SLC13A5: variants seen among roughly 807,000 people sequenced by gnomAD.
SLC13A5 encodes the protein Na(+)/citrate cotransporter.
A neutral mutation model predicts 56.5 loss-of-function variants in SLC13A5; 25 were observed. That is an observed-to-expected ratio of 0.44 (90% CI 0.32 to 0.62). The LOEUF is 0.62. Ranked by LOEUF, SLC13A5 falls within the 20% of genes least tolerant of loss-of-function variation. SLC13A5 has a pLI of 0.04. For missense variants in SLC13A5, 649 were observed against 737.8 expected (o/e 0.88, Z 1.39); for synonymous variants, 307 against 301.5 (o/e 1.02, Z -0.19).
At position 6,687,460 on chromosome 17, in the gene SLC13A5, A is replaced by G; in HGVS notation, c.1575+69T>C. 6.3e-7 allele frequency: 1 copy of G among 1,594,172 alleles called. No individual in the cohort carries two copies. The highest frequency in any genetic ancestry group is 8.5e-7 in the Non-Finnish European group (1 of 1,171,076). On this transcript the variant is annotated intron_variant, in intron 11 of 11. Transcript: ENST00000433363. This position sits in a 1 kb window ranked among gnomAD's most constrained non-coding sequence, Gnocchi z 5.0. ...ACATCGTTTTGAAACTCTGTCATTC[A>G]TAAATGGGGCATCCCTTATGACAAC...
At chr17:6,694,017 G>A (rs949492610) in intron 8 of SLC13A5, 80 bp downstream of exon 8, 2 of 867,910 alleles carry the variant, frequency 2.3e-6, no homozygotes, top group Non-Finnish European at 3.5e-6. Context: ...TCTCCCTCTA[G>A]GGCCCAAGGC....
At chr17:6,686,473 C>T (rs1973255821) in intron 11 of SLC13A5, 135 bp from the exon 12 acceptor site, 5 of 1,121,406 alleles carry the variant, frequency 4.5e-6, no homozygotes, top group South Asian at 1.5e-5. Flanking sequence ...GTCCCGACCC[C>T]CAGGACAGTG....
rs949307261 is a variant in SLC13A5 at position 6,703,261 on chromosome 17, A to G, written c.548-123T>C. The G allele has an allele frequency of 1.2e-5, 14 of 1,200,072 alleles. 1 individual carries two copies. In the South Asian group the frequency reaches 2.0e-4, roughly 17 times the overall value. The allele number at this position is 1,200,072 out of a possible 1,614,324, so 74.3% of individuals were successfully genotyped here. On this transcript the variant is annotated intron_variant, in intron 4 of 11. Coordinates refer to ENST00000433363, the MANE Select transcript of SLC13A5 (RefSeq NM_177550.5). ...CCAGCTCTGCTGATTTAGCTGCCCC[A>G]CTGGGCTCCATAAGAGTTGCTGGCA...
rs761852390 is a variant in SLC13A5, at chr17:6,692,928, G to A, written c.1275+116C>T. 44 of 784,900 alleles carry A rather than the reference G, an allele frequency of 5.6e-5. No homozygotes were observed. Among genetic ancestry groups the A allele is most frequent in the Middle Eastern group, 4.5e-4 (2 of 4,428 alleles). The allele number at this position is 784,900 out of a possible 1,614,324, so 48.6% of individuals were successfully genotyped here. On this transcript the variant is annotated intron_variant, in intron 9 of 11. Transcript: ENST00000433363. The surrounding 1 kb of genome is among the most constrained non-coding windows in gnomAD (Gnocchi z 5.5). ...GAGTCCATGTCCTCAAGGAATGTGC[G>A]GTTATACGAAGGATGCAGGCACAGA...
chr17:6,703,065 G>A lies in SLC13A5; in HGVS notation c.621C>T (p.Ala207=). The A allele has an allele frequency of 6.2e-7, 1 of 1,614,202 alleles. No homozygotes were observed. The highest frequency in any genetic ancestry group is 8.5e-7 in the Non-Finnish European group (1 of 1,180,038). Reference sequence around the variant, plus strand: ...CCGCGTAGCAGATGCACAGGGTCATGGCCTTACACAACCTCTTCCGCTCTT... The same window carrying A: ...CCGCGTAGCAGATGCACAGGGTCATAGCCTTACACAACCTCTTCCGCTCTT... ...EDQERKRLCK[A]MTLCICYAAS... The change falls in exon 5 of 12, where the codon GCC becomes GCT. Residue 207 remains alanine (A), a synonymous_variant. Transcript: ENST00000433363.
intron 8 of SLC13A5, 87 bp downstream of exon 8, chr17:6,694,010 C>T (rs922435597): frequency 8.2e-6 from 6 of 733,560 alleles, no homozygotes; most frequent in African/African-American, 3.6e-5. Context: ...GGGATTTTCT[C>T]CCTCTAGGGC....
At chr17:6,712,910 C>T (rs1974077893) in intron 1 of SLC13A5, among the ~76,000 whole-genome samples, 1 of 152,176 alleles carries the variant, frequency 6.6e-6, no homozygotes, top group African/African-American at 2.4e-5. Flanking sequence ...AGATTCGATT[C>T]GGAGCCAGGG....
At chr17:6,707,254 G>A (rs1973896282) in intron 1 of SLC13A5, 98 bp from the exon 2 acceptor site, 3 of 1,466,270 alleles carry the variant, frequency 2.0e-6, no homozygotes, top group South Asian at 1.3e-5. Context: ...TCAAGACACA[G>A]TGCTGATCTC....
intron 6 of SLC13A5, 99 bp from the exon 7 acceptor site, chr17:6,696,040 GAC>G (rs1973552841): frequency 1.8e-6 from 2 of 1,132,880 alleles, no homozygotes; most frequent in Admixed American, 4.1e-5. Flanking sequence ...GTAGCAAAAA[GAC>G]ACATAATGCT....
At chr17:6,690,219 C>T (rs1424053673) in intron 10 of SLC13A5, 1 of 157,398 alleles carries the variant, frequency 6.4e-6, no homozygotes, top group East Asian at 1.9e-4. Context: ...CCGACAGCTA[C>T]CTCTCTCCAC....
Position 6,690,985 on chromosome 17 carries a change from C to A in SLC13A5, c.1276-45G>T, listed in dbSNP as rs763459372. The A allele has an allele frequency of 1.0e-5, 16 of 1,562,238 alleles. No individual in the cohort carries two copies. The South Asian group carries it at 1.9e-4, about 19-fold the overall frequency. On this transcript the variant is annotated intron_variant, in intron 9 of 11. Transcript: ENST00000433363. Reference sequence around the variant, plus strand: ...CAGTCATCTCAGCGCTCCCAGCTTGCAGTTCCTTCAGGGCCAGGGCAAGCT... The same window carrying A: ...CAGTCATCTCAGCGCTCCCAGCTTGAAGTTCCTTCAGGGCCAGGGCAAGCT...
chr17:6,694,585 T>C (rs1041485493), intron 7 of SLC13A5, among the ~76,000 whole-genome samples: 5 of 152,160 alleles, frequency 3.3e-5, no homozygotes, highest in African/African-American at 1.2e-4. Flanking sequence ...CACTCCAGCC[T>C]GGGTGACAGT....
chr17:6,691,051 A>G (rs1973395540), intron 9 of SLC13A5, 111 bp from the exon 10 acceptor site: 13 of 1,160,790 alleles, frequency 1.1e-5, no homozygotes, highest in Non-Finnish European at 1.2e-6. Flanking sequence ...TCTACACCTC[A>G]TAGGTGACCT....
rs1317103352 is a variant in SLC13A5, at chr17:6,701,336, C to T, written c.717-210G>A. ...ACATGGCCACAGCACAAGACAAGGC[C>T]GAGAAATGACCCACTGACTCTTCTG... On this transcript the variant is annotated intron_variant, in intron 5 of 11. Transcript: ENST00000433363. This position sits in a 1 kb window ranked among gnomAD's most constrained non-coding sequence, Gnocchi z 4.1. Among the ~76,000 whole-genome samples, 3 of 152,188 alleles carry T rather than the reference C, an allele frequency of 2.0e-5. No homozygotes were observed.
intron 10 of SLC13A5, chr17:6,689,431 G>A (rs1265663536): frequency 6.6e-6 from 1 of 152,252 alleles, no homozygotes; most frequent in Non-Finnish European, 1.5e-5. Flanking sequence ...AGCTGGGGGA[G>A]TTTTTACTTG....
At chr17:6,697,075 G>A (rs916360403) in intron 6 of SLC13A5, among the ~76,000 whole-genome samples, 1 of 152,266 alleles carries the variant, frequency 6.6e-6, no homozygotes, top group South Asian at 2.1e-4. Flanking sequence ...TGCTGGGCAA[G>A]GCCGTGTGTC....
chr17:6,707,300 C>A (rs1483779363), intron 1 of SLC13A5, 144 bp from the exon 2 acceptor site: 35 of 1,145,064 alleles, frequency 3.1e-5, no homozygotes, highest in Non-Finnish European at 4.1e-5. Context: ...TGTTCCCCAG[C>A]CCTGGTCAGC....
At chr17:6,702,202 T>C (rs938360531) in intron 5 of SLC13A5, among the ~76,000 whole-genome samples, 1 of 152,102 alleles carries the variant, frequency 6.6e-6, no homozygotes, top group African/African-American at 2.4e-5. Flanking sequence ...TGGCATCACC[T>C]TATTTTTGTG....
Position 6,703,946 on chromosome 17 carries a change from T to C in SLC13A5, c.479A>G (p.Glu160Gly). The change falls in exon 4 of 12, where the codon GAA becomes GGA. Residue 160 changes from glutamate (E) to glycine (G), a missense_variant. Physicochemically the swap from Glu to Gly is moderately conservative, Grantham distance 98. Coordinates refer to ENST00000433363, the MANE Select transcript of SLC13A5 (RefSeq NM_177550.5). ...GGCCTCGGTGGCTGCGCTTGTGGCT[T>C]CCATCTGCTGCAATATGGCCTCCAC... is the stretch of plus-strand genomic sequence containing the variant. ...PIVEAILQQM[E>G]ATSAATEAGL... 6.2e-7 allele frequency: 1 copy of C among 1,608,794 alleles called. No individual in the cohort carries two copies.
Sources: gnomAD v4.1 joint callset for allele counts (sites outside exome capture counted in the v4.1 genomes callset) on GRCh38, gnomAD v4.1.1 for gene constraint, Gnocchi (gnomAD v3.1) non-coding constraint, MANE v1.5 for transcripts, NCBI Gene and HGNC (gene_info 2026-07-23, HGNC 2026-07-21) for gene names.